MEGF9: variants seen among roughly 807,000 people sequenced by gnomAD.
MEGF9 encodes multiple epidermal growth factor-like domains protein 9.
Under a neutral mutation model 46.8 loss-of-function variants are expected in MEGF9, and 6 were observed. The ratio of observed to expected loss-of-function variants is 0.13; its 90% CI spans 0.07 to 0.25. MEGF9 has a LOEUF of 0.25. Among genes scored for constraint, MEGF9 ranks in the 10% least tolerant of loss-of-function variants. MEGF9 has a pLI of 1.00. For missense variants in MEGF9, 683 were observed against 792.4 expected (o/e 0.86, Z 1.66); for synonymous variants, 302 against 330.7 (o/e 0.91, Z 0.94).
rs549216571 is a variant in MEGF9 at position 120,690,561 on chromosome 9, C to T, written c.601+23197G>A. 2.0e-5 allele frequency among the ~76,000 whole-genome samples: 3 copies of T among 152,270 alleles called. No homozygotes were observed. The South Asian group carries it at 6.2e-4, about 32-fold the overall frequency. On this transcript the variant is annotated intron_variant, in intron 1 of 5. Coordinates refer to ENST00000373930, the MANE Select transcript of MEGF9 (RefSeq NM_001080497.3). Reference sequence around the variant, plus strand: ...TTTTATTTATTTCATTCAAAATGAGCAGTACATTCCTAACCAGGTCTGCTC... The same window carrying T: ...TTTTATTTATTTCATTCAAAATGAGTAGTACATTCCTAACCAGGTCTGCTC...
At chr9:120,711,840 TACATAC>T (rs1031011297) in intron 1 of MEGF9, among the ~76,000 whole-genome samples, 10 of 139,236 alleles carry the variant, frequency 7.2e-5, no homozygotes, top group African/African-American at 1.7e-4. Flanking sequence ...TATACATACA[TACATAC>T]ACACACACAC....
At chr9:120,631,298 T>G (rs2043549689) in intron 2 of MEGF9, among the ~76,000 whole-genome samples, 1 of 152,228 alleles carries the variant, frequency 6.6e-6, no homozygotes, top group Admixed American at 6.5e-5. Flanking sequence ...GTATGTGGAT[T>G]CATTTCTAAA....
Position 120,625,542 on chromosome 9 carries a change from A to AG in MEGF9, c.804-2788_804-2787insC, listed in dbSNP as rs907266514. Among the ~76,000 whole-genome samples the AG allele has an allele frequency of 6.6e-5, 10 of 152,026 alleles. No homozygotes were observed. The South Asian group carries it at 8.3e-4, about 13-fold the overall frequency. ...CAGGGAGACTCTGTCTCTTAAAAAA[A>AG]AGATTTAAATCGGCCAGGTGCAGTG... is the stretch of plus-strand genomic sequence containing the variant. On this transcript the variant is annotated intron_variant, in intron 2 of 5. Coordinates refer to ENST00000373930, the MANE Select transcript of MEGF9 (RefSeq NM_001080497.3).
chr9:120,637,437 TA>T (rs1177150963), intron 2 of MEGF9, among the ~76,000 whole-genome samples: 5 of 147,648 alleles, frequency 3.4e-5, no homozygotes, highest in African/African-American at 1.0e-4. Context: ...AAAAAAAGTT[TA>T]AAAAAAAAGA....
chr9:120,685,085 G>A (rs2043816301), intron 1 of MEGF9, among the ~76,000 whole-genome samples: 1 of 152,114 alleles, frequency 6.6e-6, no homozygotes, highest in African/African-American at 2.4e-5. Context: ...CCACCCGCCT[G>A]GGCCTCCCAA....
At chr9:120,709,867 G>A (rs745779758) in intron 1 of MEGF9, among the ~76,000 whole-genome samples, 1 of 151,836 alleles carries the variant, frequency 6.6e-6, no homozygotes, top group Non-Finnish European at 1.5e-5. Context: ...TGGCCAACAT[G>A]GTGAAACCCC....
chr9:120,659,202 C>T (rs1011412502), intron 2 of MEGF9, among the ~76,000 whole-genome samples, 172 bp downstream of exon 2: 3 of 152,068 alleles, frequency 2.0e-5, no homozygotes, highest in Non-Finnish European at 4.4e-5. Context: ...GTTTTTAAAT[C>T]CTGACATTAA....
At chr9:120,608,575 T>C (rs1446072335) in intron 4 of MEGF9, among the ~76,000 whole-genome samples, 3 of 152,222 alleles carry the variant, frequency 2.0e-5, no homozygotes, top group Non-Finnish European at 4.4e-5. Context: ...ACTGACATCA[T>C]CAACAATTCC....
intron 2 of MEGF9, among the ~76,000 whole-genome samples, chr9:120,648,408 C>G (rs2043634599): frequency 6.6e-6 from 1 of 151,870 alleles, no homozygotes; most frequent in Non-Finnish European, 1.5e-5. Flanking sequence ...CCCTTCTTCC[C>G]CACTACTACC....
chr9:120,622,697 C>A lies in MEGF9; in HGVS notation c.862G>T (p.Asp288Tyr), dbSNP rs746776783. The change falls in exon 3 of 6, where the codon GAT becomes TAT. Residue 288 changes from aspartate (D) to tyrosine (Y), a missense_variant. By Grantham distance (160) the Asp-to-Tyr change is radical (BLOSUM62 -3). Coordinates refer to ENST00000373930, the MANE Select transcript of MEGF9 (RefSeq NM_001080497.3). Reference sequence around the variant, plus strand: ...TTCTTACTAAAGCCATAATATCCATCTTGGCATCGGTCACATATAGAGCCA... The same window carrying A: ...TTCTTACTAAAGCCATAATATCCATATTGGCATCGGTCACATATAGAGCCA... ...VIGSICDRCQ[D>Y]GYYGFSKNGC... 50 of 1,613,694 alleles carry A rather than the reference C, an allele frequency of 3.1e-5. No individual in the cohort carries two copies. Among genetic ancestry groups the A allele is most frequent in the Non-Finnish European group, 3.8e-5 (45 of 1,179,820 alleles).
In MEGF9 at chr9:120,602,905, C is replaced by T. The variant is rs1261352295; in HGVS notation, c.*2285G>A. On this transcript the variant is annotated 3_prime_UTR_variant, in exon 6 of 6. Coordinates refer to ENST00000373930, the MANE Select transcript of MEGF9 (RefSeq NM_001080497.3). ...CTTCCTGCTTGGAGAGATGAGTTCACCTTAATGAAGCACAAACTGGCAGTT... is the reference window on the plus strand; with the variant it reads ...CTTCCTGCTTGGAGAGATGAGTTCATCTTAATGAAGCACAAACTGGCAGTT... 6.6e-6 allele frequency: 1 copy of T among 152,052 alleles called. No individual in the cohort carries two copies. Among genetic ancestry groups the T allele is most frequent in the African/African-American group, 2.4e-5 (1 of 41,386 alleles). The allele number at this position is 152,052 out of a possible 1,614,324, so 9.4% of individuals were successfully genotyped here.
intron 2 of MEGF9, among the ~76,000 whole-genome samples, chr9:120,629,688 C>T (rs965430829): frequency 6.6e-6 from 1 of 152,034 alleles, no homozygotes; most frequent in Non-Finnish European, 1.5e-5. Context: ...AATCCCAGCA[C>T]TTTGGGAGGC....
chr9:120,654,506 G>A (rs2043667689), intron 2 of MEGF9, among the ~76,000 whole-genome samples: 1 of 152,198 alleles, frequency 6.6e-6, no homozygotes, highest in Admixed American at 6.5e-5. Context: ...TGTTCATGGT[G>A]ATGTTGGTGT....
intron 1 of MEGF9, among the ~76,000 whole-genome samples, chr9:120,687,273 T>C (rs1354944371): frequency 1.3e-5 from 2 of 152,168 alleles, no homozygotes; most frequent in East Asian, 3.9e-4. Flanking sequence ...CTGCATTACC[T>C]GGGAACTTGT....
chr9:120,678,387 T>C (rs899514315), intron 1 of MEGF9, among the ~76,000 whole-genome samples: 1 of 152,224 alleles, frequency 6.6e-6, no homozygotes, highest in African/African-American at 2.4e-5. Context: ...GTGGTTGTAC[T>C]AATTTACCCT....
chr9:120,704,703 A>C (rs1166417349), intron 1 of MEGF9, among the ~76,000 whole-genome samples: 3 of 152,210 alleles, frequency 2.0e-5, no homozygotes, highest in African/African-American at 7.2e-5. Context: ...AATATGCAGA[A>C]ATCAACAAAA....
chr9:120,644,900 T>C (rs2043618901), intron 2 of MEGF9, among the ~76,000 whole-genome samples: 1 of 152,190 alleles, frequency 6.6e-6, no homozygotes, highest in Non-Finnish European at 1.5e-5. Flanking sequence ...ACATTAAGTA[T>C]AGTAAAATGC....
chr9:120,637,859 T>C (rs1006080084), intron 2 of MEGF9, among the ~76,000 whole-genome samples: 4 of 151,278 alleles, frequency 2.6e-5, no homozygotes, highest in African/African-American at 9.8e-5. Flanking sequence ...ATAAGTCATT[T>C]TGAAAAAAGA....
intron 1 of MEGF9, among the ~76,000 whole-genome samples, 197 bp downstream of exon 1, chr9:120,713,561 G>A (rs1192668543): frequency 6.6e-6 from 1 of 152,190 alleles, no homozygotes. Context: ...AGGGAGCACA[G>A]CCCACGGGGG....
Sources: gnomAD v4.1 joint callset for allele counts (sites outside exome capture counted in the v4.1 genomes callset) on GRCh38, gnomAD v4.1.1 for gene constraint, MANE v1.5 for transcripts, NCBI Gene and HGNC (gene_info 2026-07-23, HGNC 2026-07-21) for gene names.